The following TRIM2 variants were observed in gnomAD, a reference collection of about 807,000 sequenced individuals.
TRIM2 encodes tripartite motif-containing protein 2.
In TRIM2, 20 loss-of-function variants were observed where a neutral mutation model predicts 75.2. The ratio of observed to expected loss-of-function variants is 0.27; its 90% CI spans 0.19 to 0.39. The LOEUF (loss-of-function observed/expected upper bound fraction) is 0.39. Ranked by LOEUF, TRIM2 falls within the 10% of genes least tolerant of loss-of-function variation. The pLI, the probability that TRIM2 is intolerant of heterozygous loss-of-function variation, is 1.00. For synonymous variants in TRIM2, 373 were observed against 388.3 expected (o/e 0.96, Z 0.46); for missense variants, 660 against 990.8 (o/e 0.67, Z 4.48).
chr4:153,173,106 G>C (rs1202567073), intron 1 of TRIM2, among the ~76,000 whole-genome samples: 5 of 152,170 alleles, frequency 3.3e-5, no homozygotes, highest in Non-Finnish European at 5.9e-5. Context: ...CTTCGGCCTG[G>C]GTTTAGGTGT....
At chr4:153,266,733 AC>A (rs1196739675) in intron 1 of TRIM2, among the ~76,000 whole-genome samples, 1 of 147,416 alleles carries the variant, frequency 6.8e-6, no homozygotes, top group African/African-American at 2.5e-5. Context: ...TGATCTGTTC[AC>A]CCGAACTCCC....
In TRIM2 at chr4:153,307,536, T is replaced by TA. The variant is rs369558594; in HGVS notation, c.1511-7948dup. On this transcript the variant is annotated intron_variant, in intron 6 of 11. Coordinates refer to ENST00000338700, the MANE Select transcript of TRIM2 (RefSeq NM_015271.5). ...ACAGGAGGCAAAGTGTTTCACATCA[T>TA]AGACTTCACTTCCAATTCCTTGGAA... 6.7e-3 allele frequency among the ~76,000 whole-genome samples: 1,028 copies of TA among 152,346 alleles called. 12 individuals are homozygous for TA. The highest frequency in any genetic ancestry group is 0.023 in the African/African-American group (969 of 41,580).
intron 1 of TRIM2, among the ~76,000 whole-genome samples, chr4:153,216,966 T>A (rs143068080): frequency 1.3e-5 from 2 of 152,292 alleles, no homozygotes; most frequent in East Asian, 3.9e-4. Context: ...GCCACAGCAA[T>A]GAGATTCTGT....
chr4:153,204,387 C>A, upstream of TRIM2: 1 of 859,086 alleles, frequency 1.2e-6, no homozygotes, highest in South Asian at 1.5e-5. Flanking sequence ...TAGCCCCGCC[C>A]CTTTGGCTTG....
At chr4:153,197,835 T>C (rs951706666) in intron 1 of TRIM2, among the ~76,000 whole-genome samples, 2 of 152,142 alleles carry the variant, frequency 1.3e-5, no homozygotes, top group African/African-American at 4.8e-5. Context: ...ATTGCACCAC[T>C]GTACTCCAGC....
intron 6 of TRIM2, among the ~76,000 whole-genome samples, chr4:153,310,534 T>C (rs973654232): frequency 5.3e-5 from 8 of 152,234 alleles, no homozygotes; most frequent in Admixed American, 2.6e-4. Context: ...GTTTAACTGT[T>C]GGTGAAAATA....
chr4:153,179,531 C>G (rs550086354), intron 1 of TRIM2, among the ~76,000 whole-genome samples: 8 of 152,218 alleles, frequency 5.3e-5, no homozygotes, highest in Admixed American at 4.6e-4. Flanking sequence ...TGGAAAATGC[C>G]GTACCAAGAC....
chr4:153,241,049 C>T (rs986606495), intron 1 of TRIM2, among the ~76,000 whole-genome samples: 3 of 152,204 alleles, frequency 2.0e-5, no homozygotes, highest in Non-Finnish European at 2.9e-5. Context: ...TGCACTCCAG[C>T]CTGAGTGACA....
At chr4:153,266,742 C>T (rs920570114) in intron 1 of TRIM2, among the ~76,000 whole-genome samples, 2 of 150,966 alleles carry the variant, frequency 1.3e-5, no homozygotes, top group Admixed American at 6.6e-5. Context: ...CACCCGAACT[C>T]CCAAAGTGCT....
chr4:153,204,633 G>A (rs554328885), intron 1 of TRIM2, 73 bp downstream of exon 1: 55 of 1,532,830 alleles, frequency 3.6e-5, no homozygotes, highest in Non-Finnish European at 4.2e-5. Context: ...GGAGAAACAA[G>A]TTGTGATTGG....
chr4:153,202,597 T>G (rs1298545201), upstream of TRIM2, among the ~76,000 whole-genome samples: 7 of 148,282 alleles, frequency 4.7e-5, no homozygotes, highest in Non-Finnish European at 8.9e-5. Flanking sequence ...TACTCGGGAG[T>G]CTGAGGCAGG....
intron 1 of TRIM2, among the ~76,000 whole-genome samples, chr4:153,160,811 CG>C (rs1264655944): frequency 6.6e-6 from 1 of 151,974 alleles, no homozygotes; most frequent in Non-Finnish European, 1.5e-5. Flanking sequence ...GTATGTTGCC[CG>C]GGGCTGATCT....
intron 3 of TRIM2, among the ~76,000 whole-genome samples, chr4:153,288,158 C>T (rs1395420912): frequency 6.6e-6 from 1 of 152,046 alleles, no homozygotes; most frequent in East Asian, 1.9e-4. Flanking sequence ...AATCTGCAGC[C>T]GGGCATGGTG....
rs751765203 is a variant in TRIM2, at chr4:153,293,053, G to A, written c.525G>A (p.Glu175=). 1.9e-6 allele frequency: 3 copies of A among 1,613,880 alleles called. No homozygotes were observed. Among genetic ancestry groups the A allele is most frequent in the Non-Finnish European group, 2.5e-6 (3 of 1,179,822 alleles). The part of the protein sequence containing the change: ...CRECTEGEHA[E]HPTVPLKDVV... The stretch of plus-strand genomic sequence containing the variant: ...AGTGCACGGAGGGGGAGCACGCAGA[G>A]CACCCCACAGTTCCACTCAAGGATG... The change falls in exon 4 of 12, where the codon GAG becomes GAA. Residue 175 remains glutamate (E), a synonymous_variant. Transcript: ENST00000338700.
Position 153,336,850 on chromosome 4 carries a change from A to T in TRIM2, c.*1884A>T. 1.0e-6 allele frequency: 1 copy of T among 985,462 alleles called. No individual in the cohort carries two copies. Among genetic ancestry groups the T allele is most frequent in the Non-Finnish European group, 1.2e-6 (1 of 829,572 alleles). 61.0% of individuals were successfully genotyped at this position (985,462 alleles called of 1,614,324 possible). A position where few individuals can be genotyped will look rare whatever the true frequency, so the allele number is the denominator to read the frequency against. Reference sequence around the variant, plus strand: ...GTTTAATATTTTTTTAGTTAGGTAGAGTTTTAAAAAATACTTGAGCCTGTC... The same window carrying T: ...GTTTAATATTTTTTTAGTTAGGTAGTGTTTTAAAAAATACTTGAGCCTGTC... On this transcript the variant is annotated 3_prime_UTR_variant, in exon 12 of 12. Transcript: ENST00000338700.
At chr4:153,302,292 C>T (rs35945773) in intron 6 of TRIM2, among the ~76,000 whole-genome samples, 9,752 of 152,232 alleles carry the variant, frequency 0.064, 422 homozygotes, top group Non-Finnish European at 0.098. Context: ...CAAAAGACAA[C>T]ACTCACTATG....
intron 1 of TRIM2, among the ~76,000 whole-genome samples, chr4:153,246,672 G>A (rs924309865): frequency 4.6e-5 from 7 of 152,148 alleles, no homozygotes; most frequent in Admixed American, 3.9e-4. Flanking sequence ...GTGGGAGAAA[G>A]GGGGAGGAAG....
In TRIM2 at chr4:153,244,421, T is replaced by TTCTTCTTCTTCTTCTTCTTCC. The variant is rs1560875635; in HGVS notation, c.31-25898_31-25897insCTTCCTCTTCTTCTTCTTCTT. ...CTTCTTCTTCTTCTTCTTCTTCTTCTTCTTCTTCTTCTTCTTTTAATTAGA... is the reference window on the plus strand; with the variant it reads ...CTTCTTCTTCTTCTTCTTCTTCTTCTTCTTCTTCTTCTTCTTCTTCCTCTTCTTCTTCTTCTTTTAATTAGA... On this transcript the variant is annotated intron_variant, in intron 1 of 11. Coordinates refer to ENST00000338700, the MANE Select transcript of TRIM2 (RefSeq NM_015271.5). Among the ~76,000 whole-genome samples the TTCTTCTTCTTCTTCTTCTTCC allele has an allele frequency of 1.8e-3, 163 of 89,156 alleles. 15 individuals are homozygous for TTCTTCTTCTTCTTCTTCTTCC. The highest frequency in any genetic ancestry group is 4.4e-3 in the Middle Eastern group (1 of 226). The allele number at this position is 89,156 out of a possible 152,430, so 58.5% of individuals were successfully genotyped here.
chr4:153,215,085 A>T (rs553075008), intron 1 of TRIM2, among the ~76,000 whole-genome samples: 1 of 152,340 alleles, frequency 6.6e-6, no homozygotes, highest in African/African-American at 2.4e-5. Context: ...ATACAGGCAG[A>T]TGCAACTTGC....
Sources: gnomAD v4.1 joint callset for allele counts (sites outside exome capture counted in the v4.1 genomes callset) on GRCh38, gnomAD v4.1.1 for gene constraint, MANE v1.5 for transcripts, NCBI Gene and HGNC (gene_info 2026-07-23, HGNC 2026-07-21) for gene names.